Variants in FAM168A observed in about 807,000 individuals in gnomAD.
The protein encoded by FAM168A is protein FAM168A.
Under a neutral mutation model 28.5 loss-of-function variants are expected in FAM168A, and 3 were observed. The observed-to-expected ratio is 0.11, with a 90% CI of 0.05 to 0.27. FAM168A has a LOEUF of 0.27. Ranked by LOEUF, FAM168A falls within the 10% of genes least tolerant of loss-of-function variation. FAM168A has a pLI of 1.00. For synonymous variants in FAM168A, 122 were observed against 124.2 expected, an observed-to-expected ratio of 0.98 and a Z score of 0.12; for missense variants, 222 against 311.5, an observed-to-expected ratio of 0.71 and a Z score of 2.16.
chr11:73,561,433 T>C (rs893281775), intron 1 of FAM168A, among the ~76,000 whole-genome samples: 14 of 152,034 alleles, frequency 9.2e-5, no homozygotes, highest in African/African-American at 3.4e-4. Context: ...AGGGGTAAAT[T>C]TGTAGTTCAC....
intron 1 of FAM168A, among the ~76,000 whole-genome samples, chr11:73,515,115 G>C (rs1943284032): frequency 6.6e-6 from 1 of 152,142 alleles, no homozygotes; most frequent in Admixed American, 6.6e-5. Context: ...CCCCAAAATA[G>C]CTCCCTCTGG....
intron 4 of FAM168A, among the ~76,000 whole-genome samples, chr11:73,418,695 A>C (rs1318890943): frequency 6.6e-6 from 1 of 152,230 alleles, no homozygotes; most frequent in Non-Finnish European, 1.5e-5. Flanking sequence ...CAGCCCTCAC[A>C]ACTTAAGAGA....
In FAM168A at chr11:73,460,987, C is replaced by G. The variant is rs1029158336; in HGVS notation, c.70+7418G>C. Among the ~76,000 whole-genome samples, 3 of 152,214 alleles carry G rather than the reference C, an allele frequency of 2.0e-5. No individual in the cohort carries two copies. In the East Asian group the frequency reaches 5.8e-4, roughly 29 times the overall value. On this transcript the variant is annotated intron_variant, in intron 2 of 7. Transcript: ENST00000356467. ...GAGAACTAGATTGGCTGCCAGAGGT[C>G]TGGGTTCTACTTCCAGGTTTGACAT...
chr11:73,490,846 C>G (rs141195646), intron 1 of FAM168A, among the ~76,000 whole-genome samples: 2 of 152,136 alleles, frequency 1.3e-5, no homozygotes, highest in African/African-American at 4.8e-5. Context: ...TCTTCTCCCC[C>G]CTTCACCCAA....
intron 1 of FAM168A, among the ~76,000 whole-genome samples, chr11:73,528,174 C>T (rs1943469540): frequency 1.3e-5 from 2 of 152,152 alleles, no homozygotes; most frequent in Admixed American, 1.3e-4. Flanking sequence ...CTCTCCCAGG[C>T]CATGTGCAAT....
chr11:73,548,527 T>C (rs1308606562), intron 1 of FAM168A, among the ~76,000 whole-genome samples: 2 of 152,222 alleles, frequency 1.3e-5, no homozygotes, highest in Non-Finnish European at 2.9e-5. Flanking sequence ...CAGTTATATC[T>C]ACTCATTTTT....
chr11:73,417,249 G>C (rs1389473670), intron 4 of FAM168A, among the ~76,000 whole-genome samples: 1 of 152,178 alleles, frequency 6.6e-6, no homozygotes, highest in Non-Finnish European at 1.5e-5. Context: ...GAGTCTAATT[G>C]CAAGAAAGAA....
chr11:73,554,874 A>G (rs910312737), intron 1 of FAM168A, among the ~76,000 whole-genome samples: 13 of 152,196 alleles, frequency 8.5e-5, no homozygotes, highest in African/African-American at 2.7e-4. Flanking sequence ...ATGAAACTTG[A>G]TGGGTGAAGA....
At chr11:73,454,356 T>C (rs959653366) in intron 2 of FAM168A, among the ~76,000 whole-genome samples, 3 of 152,198 alleles carry the variant, frequency 2.0e-5, no homozygotes, top group Non-Finnish European at 2.9e-5. Context: ...GATGGGAAAG[T>C]GAAGGCAAGG....
chr11:73,465,239 A>T (rs1437717350), intron 2 of FAM168A, among the ~76,000 whole-genome samples: 1 of 149,264 alleles, frequency 6.7e-6, no homozygotes, highest in Admixed American at 6.8e-5. Flanking sequence ...CACACTCCAG[A>T]ACACATACTA....
At chr11:73,410,725 GT>G (rs1565233085) in intron 5 of FAM168A, 1 of 152,150 alleles carries the variant, frequency 6.6e-6, no homozygotes, top group Non-Finnish European at 1.5e-5. Flanking sequence ...AAATATAGCT[GT>G]TTTTTAAACT....
intron 2 of FAM168A, among the ~76,000 whole-genome samples, chr11:73,453,835 C>T (rs1259475542): frequency 6.6e-6 from 1 of 152,174 alleles, no homozygotes; most frequent in African/African-American, 2.4e-5. Context: ...TGTCAACATC[C>T]CACTGATTTT....
At chr11:73,545,837 C>T (rs114332532) in intron 1 of FAM168A, among the ~76,000 whole-genome samples, 2,025 of 151,860 alleles carry the variant, frequency 0.013, 45 homozygotes, top group African/African-American at 0.045. Flanking sequence ...GCATAAGCCA[C>T]GGCGCCCAGC....
intron 1 of FAM168A, among the ~76,000 whole-genome samples, chr11:73,473,403 C>T (rs1565261256): frequency 6.6e-6 from 1 of 152,148 alleles, no homozygotes. Context: ...CCTAAGTGCT[C>T]TGCTTGGACC....
chr11:73,448,945 TTCTC>T (rs1187780338), intron 2 of FAM168A, among the ~76,000 whole-genome samples: 3 of 151,982 alleles, frequency 2.0e-5, no homozygotes, highest in South Asian at 2.1e-4. Flanking sequence ...TTTTGTTTTT[TTCTC>T]TCTCTCTCTA....
At position 73,551,626 on chromosome 11, in the gene FAM168A, C is replaced by G. The variant is rs145495328; in HGVS notation, c.-19+46297G>C. Among the ~76,000 whole-genome samples the G allele has an allele frequency of 8.7e-3, 1,327 of 152,286 alleles. 20 individuals are homozygous for G. Among genetic ancestry groups the G allele is most frequent in the African/African-American group, 0.03 (1,241 of 41,552 alleles). ...ATTTTGGAAAAACATTTCAGCCAGA[C>G]GATCACATCTGTGCAGTGTGCAACA... On this transcript the variant is annotated intron_variant, in intron 1 of 7. Transcript: ENST00000356467.
chr11:73,494,097 T>C (rs1854815274), intron 1 of FAM168A, among the ~76,000 whole-genome samples: 1 of 152,036 alleles, frequency 6.6e-6, no homozygotes, highest in Admixed American at 6.5e-5. Context: ...GACATGTACA[T>C]TATGTACAGT....
intron 1 of FAM168A, among the ~76,000 whole-genome samples, chr11:73,593,458 T>C (rs1313667417): frequency 6.6e-6 from 1 of 152,214 alleles, no homozygotes; most frequent in Non-Finnish European, 1.5e-5. Flanking sequence ...ATTTAACCTC[T>C]CAGAGCATAA....
intron 1 of FAM168A, among the ~76,000 whole-genome samples, chr11:73,569,805 T>A (rs776407897): frequency 6.8e-6 from 1 of 147,922 alleles, no homozygotes; most frequent in African/African-American, 2.5e-5. Flanking sequence ...GCCTGGGCAA[T>A]AGAGTGAGAC....
Sources: allele counts gnomAD v4.1 joint callset (sites outside exome capture counted in the v4.1 genomes callset), GRCh38; gene constraint gnomAD v4.1.1; transcripts MANE v1.5; gene names NCBI Gene and HGNC (gene_info 2026-07-23, HGNC 2026-07-21).